The following PHACTR3 variants were observed in gnomAD, a reference collection of about 807,000 sequenced individuals.
The protein encoded by PHACTR3 is phosphatase and actin regulator 3, also known as protein phosphatase 1, regulatory subunit 123.
A neutral mutation model predicts 66.8 loss-of-function variants in PHACTR3; 16 were observed. The ratio of observed to expected loss-of-function variants is 0.24; its 90% CI spans 0.16 to 0.36. PHACTR3 has a LOEUF of 0.36. Ranked by LOEUF, PHACTR3 falls within the 10% of genes least tolerant of loss-of-function variation. The pLI, the probability that PHACTR3 is intolerant of heterozygous loss-of-function variation, is 1.00. For synonymous variants in PHACTR3, 323 were observed against 292.1 expected, an observed-to-expected ratio of 1.11 and a Z score of -1.08; for missense variants, 647 against 719.9, an observed-to-expected ratio of 0.90 and a Z score of 1.16.
chr20:59,729,992 T>G (rs2038706535), intron 1 of PHACTR3, among the ~76,000 whole-genome samples: 1 of 152,304 alleles, frequency 6.6e-6, no homozygotes, highest in African/African-American at 2.4e-5. Flanking sequence ...TAGACTGGTA[T>G]GCACAGGTAG....
intron 7 of PHACTR3, among the ~76,000 whole-genome samples, chr20:59,788,716 G>A (rs1415073336): frequency 3.3e-5 from 5 of 152,144 alleles, no homozygotes; most frequent in African/African-American, 9.7e-5. Flanking sequence ...CAGAGGCCCT[G>A]ATGCACCCTG....
chr20:59,780,797 G>A (rs1396562182), intron 7 of PHACTR3, among the ~76,000 whole-genome samples: 1 of 152,152 alleles, frequency 6.6e-6, no homozygotes, highest in East Asian at 1.9e-4. Flanking sequence ...TGTGACCTTG[G>A]AAAAGTTTCT....
intron 1 of PHACTR3, among the ~76,000 whole-genome samples, chr20:59,614,335 G>T (rs1414477785): frequency 6.6e-6 from 1 of 152,240 alleles, no homozygotes; most frequent in African/African-American, 2.4e-5. Context: ...CATTTAACCA[G>T]AATGGCCACT....
At position 59,635,137 on chromosome 20, in the gene PHACTR3, TTCTTTCTTTCTTTTTC is replaced by T. The variant is rs1471366843; in HGVS notation, c.118+30007_118+30022del. On this transcript the variant is annotated intron_variant, in intron 1 of 12. Coordinates refer to ENST00000371015, the MANE Select transcript of PHACTR3 (RefSeq NM_080672.5). ...TTTCTTTCTTTCTTTCTTTCTTTCT[TTCTTTCTTTCTTTTTC>T]TTTCTTTCTTTCTTTCCTTTCTTTC... is the stretch of plus-strand genomic sequence containing the variant. Among the ~76,000 whole-genome samples, 52 of 78,904 alleles carry T rather than the reference TTCTTTCTTTCTTTTTC, an allele frequency of 6.6e-4. 1 individual carries two copies. Among genetic ancestry groups the T allele is most frequent in the Non-Finnish European group, 8.8e-4 (34 of 38,808 alleles). The allele number at this position is 78,904 out of a possible 152,430, so 51.8% of individuals were successfully genotyped here.
intron 1 of PHACTR3, among the ~76,000 whole-genome samples, chr20:59,623,108 G>GT (rs949485789): frequency 2.7e-5 from 4 of 150,026 alleles, no homozygotes; most frequent in Admixed American, 6.7e-5. Context: ...GAAAATAAAT[G>GT]TTTTTTTGTG....
intron 4 of PHACTR3, among the ~76,000 whole-genome samples, chr20:59,763,758 G>A (rs1234685426): frequency 1.3e-5 from 2 of 152,224 alleles, no homozygotes. Context: ...TTCAGATGCA[G>A]GAGGTGGGAC....
At chr20:59,659,065 T>A (rs1407722828) in intron 1 of PHACTR3, among the ~76,000 whole-genome samples, 1 of 152,172 alleles carries the variant, frequency 6.6e-6, no homozygotes, top group Non-Finnish European at 1.5e-5. Flanking sequence ...TATTGCAGTT[T>A]CCATGTGGTT....
At chr20:59,735,254 C>T (rs1046496377) in intron 1 of PHACTR3, among the ~76,000 whole-genome samples, 1 of 152,158 alleles carries the variant, frequency 6.6e-6, no homozygotes, top group East Asian at 1.9e-4. Context: ...CGGGAAACTG[C>T]AGGCATGTTG....
intron 1 of PHACTR3, among the ~76,000 whole-genome samples, chr20:59,660,221 G>T (rs1002035383): frequency 6.6e-6 from 1 of 152,210 alleles, no homozygotes; most frequent in African/African-American, 2.4e-5. Flanking sequence ...TGGGCTGGGC[G>T]CAGTGGCTCA....
exon 1 of PHACTR3, chr20:59,577,537 G>T: frequency 8.5e-7 from 1 of 1,172,954 alleles, no homozygotes; most frequent in East Asian, 3.8e-5. Flanking sequence ...GGGCGCGCCC[G>T]CTGTCCTGCG....
chr20:59,675,264 G>A (rs2036416448), intron 1 of PHACTR3, among the ~76,000 whole-genome samples: 1 of 151,446 alleles, frequency 6.6e-6, no homozygotes, highest in Non-Finnish European at 1.5e-5. Context: ...ACTTTGGGTA[G>A]CTCTCTTAGC....
At chr20:59,616,328 A>T (rs1160795338) in intron 1 of PHACTR3, among the ~76,000 whole-genome samples, 1 of 152,128 alleles carries the variant, frequency 6.6e-6, no homozygotes, top group East Asian at 1.9e-4. Flanking sequence ...GGTGGATAAG[A>T]GCAGGAGGTT....
chr20:59,774,722 G>T (rs186315582), intron 7 of PHACTR3, among the ~76,000 whole-genome samples: 1 of 151,446 alleles, frequency 6.6e-6, no homozygotes. Context: ...CGGTGAAATT[G>T]TTTTGAGAGT....
intron 7 of PHACTR3, among the ~76,000 whole-genome samples, chr20:59,805,308 G>C (rs79047276): frequency 0.083 from 12,645 of 152,194 alleles, 1,108 homozygotes; most frequent in East Asian, 0.37. Context: ...TCAGCCCACC[G>C]TTAAGTTCAC....
intron 1 of PHACTR3, among the ~76,000 whole-genome samples, chr20:59,689,565 G>C (rs960489098): frequency 1.3e-5 from 2 of 152,192 alleles, no homozygotes; most frequent in Non-Finnish European, 2.9e-5. Flanking sequence ...TGGATACTAG[G>C]ATGTTGTGTG....
chr20:59,673,058 T>C (rs1266220096), intron 1 of PHACTR3, among the ~76,000 whole-genome samples: 2 of 152,146 alleles, frequency 1.3e-5, no homozygotes, highest in Non-Finnish European at 2.9e-5. Context: ...GGCAGGAGGG[T>C]ACCTCATCTC....
intron 9 of PHACTR3, among the ~76,000 whole-genome samples, chr20:59,837,390 TTC>T (rs1339901907): frequency 6.6e-6 from 1 of 152,210 alleles, no homozygotes; most frequent in Non-Finnish European, 1.5e-5. Flanking sequence ...CAAGCTGACT[TTC>T]TGTCAGAAAA....
At chr20:59,638,496 AGATTGATTGGTAGATGGGTGGATG>A (rs964174272) in intron 1 of PHACTR3, among the ~76,000 whole-genome samples, 18 of 128,412 alleles carry the variant, frequency 1.4e-4, no homozygotes, top group African/African-American at 5.3e-4. Context: ...ATGGATGGAT[AGATTGATTGGTAGATGGGTGGATG>A]GATTGATGGA....
At chr20:59,681,394 A>G (rs1198953162) in intron 1 of PHACTR3, among the ~76,000 whole-genome samples, 1 of 152,114 alleles carries the variant, frequency 6.6e-6, no homozygotes, top group East Asian at 1.9e-4. Flanking sequence ...TCACGTGTCC[A>G]AAAAATTTGT....
Sources: allele counts gnomAD v4.1 joint callset (sites outside exome capture counted in the v4.1 genomes callset), GRCh38; gene constraint gnomAD v4.1.1; transcripts MANE v1.5; gene names NCBI Gene and HGNC (gene_info 2026-07-23, HGNC 2026-07-21).